Variants in ABTB3 observed in about 807,000 individuals in gnomAD.
ABTB3 encodes the protein ankyrin repeat- and BTB/POZ domain-containing protein 3.
the ABTB3 span, among the ~76,000 whole-genome samples, chr12:107,409,369 A>G: frequency 2.6e-5 from 4 of 152,256 alleles, no homozygotes; most frequent in African/African-American, 7.2e-5. Flanking sequence ...ATTGTGGAAA[A>G]CAATGTGGCT....
the ABTB3 span, among the ~76,000 whole-genome samples, chr12:107,330,096 G>A: frequency 1.3e-5 from 2 of 152,182 alleles, no homozygotes; most frequent in Non-Finnish European, 2.9e-5. Flanking sequence ...TGGTGAATGC[G>A]AACTGCATGT....
the ABTB3 span, among the ~76,000 whole-genome samples, chr12:107,518,304 A>T: frequency 6.6e-6 from 1 of 152,180 alleles, no homozygotes; most frequent in Non-Finnish European, 1.5e-5. Context: ...ATAAAGACAC[A>T]TGCACATGTA....
chr12:107,613,310 C>G, the ABTB3 span, among the ~76,000 whole-genome samples: 2 of 152,128 alleles, frequency 1.3e-5, no homozygotes, highest in African/African-American at 4.8e-5. Context: ...GTCTTCCTCC[C>G]GCAGATCCTC....
chr12:107,335,779 G>T, the ABTB3 span, among the ~76,000 whole-genome samples: 3 of 152,260 alleles, frequency 2.0e-5, no homozygotes, highest in African/African-American at 7.2e-5. Context: ...GAGGCTAGGC[G>T]AGTGAGGTAG....
At chr12:107,453,453 C>T in the ABTB3 span, among the ~76,000 whole-genome samples, 1 of 152,102 alleles carries the variant, frequency 6.6e-6, no homozygotes, top group South Asian at 2.1e-4. Context: ...ACCTAGCTAG[C>T]CCCTTCCACC....
the ABTB3 span, chr12:107,318,949 G>A: frequency 2.6e-5 from 42 of 1,605,306 alleles, no homozygotes; most frequent in Non-Finnish European, 3.1e-5. Flanking sequence ...CGATGGCCAG[G>A]AGAGGTAAGA....
At chr12:107,631,274 C>G in the ABTB3 span, among the ~76,000 whole-genome samples, 6 of 152,228 alleles carry the variant, frequency 3.9e-5, no homozygotes, top group Admixed American at 2.0e-4. Context: ...CTGCAAAGGA[C>G]ATGATTTCAT....
the ABTB3 span, among the ~76,000 whole-genome samples, chr12:107,489,296 G>A: frequency 5.3e-5 from 8 of 152,242 alleles, no homozygotes; most frequent in South Asian, 4.2e-4. Context: ...CAAGGCAGGC[G>A]GATCACTTGA....
the ABTB3 span, among the ~76,000 whole-genome samples, chr12:107,468,207 A>C: frequency 2.0e-5 from 3 of 152,164 alleles, no homozygotes; most frequent in Non-Finnish European, 4.4e-5. Flanking sequence ...CAAGCAAAAA[A>C]GGGGAAAATC....
At chr12:107,386,129 A>G in the ABTB3 span, among the ~76,000 whole-genome samples, 2 of 152,132 alleles carry the variant, frequency 1.3e-5, no homozygotes, top group Non-Finnish European at 2.9e-5. Flanking sequence ...TTGCCCTGGC[A>G]CTTACCTCTG....
At chr12:107,557,115 G>A in the ABTB3 span, among the ~76,000 whole-genome samples, 6 of 152,156 alleles carry the variant, frequency 3.9e-5, no homozygotes, top group Admixed American at 6.5e-5. Flanking sequence ...ACAGTGATAC[G>A]TTGCTTAACA....
At chr12:107,514,697 G>C in the ABTB3 span, among the ~76,000 whole-genome samples, 1 of 152,128 alleles carries the variant, frequency 6.6e-6, no homozygotes, top group African/African-American at 2.4e-5. Flanking sequence ...ACCCCATGTA[G>C]AGTCTCCAAT....
At chr12:107,536,874 T>C in the ABTB3 span, among the ~76,000 whole-genome samples, 275 of 152,318 alleles carry the variant, frequency 1.8e-3, 1 homozygote, top group Middle Eastern at 0.01. Context: ...ATTCCACTAC[T>C]GGGCATTTAT....
the ABTB3 span, among the ~76,000 whole-genome samples, chr12:107,545,576 C>T: frequency 1.3e-5 from 2 of 152,108 alleles, no homozygotes; most frequent in South Asian, 2.1e-4. Context: ...CCCAACTCAA[C>T]ATCAATATTT....
At chr12:107,482,920 C>T in the ABTB3 span, among the ~76,000 whole-genome samples, 7 of 35,650 alleles carry the variant, frequency 2.0e-4, no homozygotes, top group African/African-American at 1.2e-3. Context: ...CTTCTTCTTT[C>T]TTTCTTTCTT....
At chr12:107,473,463 C>G in the ABTB3 span, among the ~76,000 whole-genome samples, 1 of 152,154 alleles carries the variant, frequency 6.6e-6, no homozygotes, top group South Asian at 2.1e-4. Flanking sequence ...AAGTGATTCT[C>G]ATGCCTCAGC....
chr12:107,441,633 TAAAAA>T, the ABTB3 span, among the ~76,000 whole-genome samples: 1 of 147,994 alleles, frequency 6.8e-6, no homozygotes, highest in Non-Finnish European at 1.5e-5. Flanking sequence ...AATTAAAACT[TAAAAA>T]AAAAAGTTAC....
At chr12:107,389,798 T>C in the ABTB3 span, among the ~76,000 whole-genome samples, 87,750 of 149,634 alleles carry the variant, frequency 0.59, 26,540 homozygotes, top group South Asian at 0.7. Flanking sequence ...TGGTGGAAGA[T>C]GGTTGCAAGT....
At chr12:107,476,640 A>G in the ABTB3 span, among the ~76,000 whole-genome samples, 2 of 151,942 alleles carry the variant, frequency 1.3e-5, no homozygotes, top group Non-Finnish European at 2.9e-5. Flanking sequence ...AAGATGATCA[A>G]GATAGGCTTT....
Sources: allele counts gnomAD v4.1 joint callset (sites outside exome capture counted in the v4.1 genomes callset), GRCh38; gene constraint gnomAD v4.1.1; transcripts MANE v1.5; gene names NCBI Gene and HGNC (gene_info 2026-07-23, HGNC 2026-07-21).